ITGBL1: variants seen among roughly 807,000 people sequenced by gnomAD.
The protein encoded by ITGBL1 is integrin subunit beta like 1.
In ITGBL1, 51 loss-of-function variants were observed where a neutral mutation model predicts 68.5. The observed-to-expected ratio is 0.74, with a 90% CI of 0.59 to 0.94. ITGBL1 has a LOEUF of 0.94. ITGBL1 is among the 40% of genes least tolerant of loss of function. ITGBL1 has a pLI of 0.00. For synonymous variants in ITGBL1, 209 were observed against 227.3 expected, an observed-to-expected ratio of 0.92 and a Z score of 0.72; for missense variants, 649 against 647.4, an observed-to-expected ratio of 1.00 and a Z score of -0.03.
intron 7 of ITGBL1, among the ~76,000 whole-genome samples, chr13:101,623,250 C>T (rs1468780969): frequency 6.6e-6 from 1 of 151,910 alleles, no homozygotes; most frequent in African/African-American, 2.4e-5. Flanking sequence ...GATCCCATGA[C>T]AGAGTAAGCT....
chr13:101,531,011 C>G (rs989937177), intron 2 of ITGBL1, among the ~76,000 whole-genome samples: 1 of 151,630 alleles, frequency 6.6e-6, no homozygotes, highest in Admixed American at 6.6e-5. Flanking sequence ...CTTTGAACTA[C>G]TAGAGGAGCT....
chr13:101,716,633 G>C (rs1194879758), downstream of ITGBL1: 2 of 151,878 alleles, frequency 1.3e-5, no homozygotes, highest in African/African-American at 4.8e-5. Context: ...ACAATATTGA[G>C]TTACATATAA....
At chr13:101,660,348 A>G (rs533013432) in intron 7 of ITGBL1, among the ~76,000 whole-genome samples, 1 of 152,180 alleles carries the variant, frequency 6.6e-6, no homozygotes, top group East Asian at 1.9e-4. Context: ...GCTCTAAGCC[A>G]GTTCCTGGGT....
At chr13:101,705,339 A>G (rs975947860) in intron 8 of ITGBL1, among the ~76,000 whole-genome samples, 3 of 150,910 alleles carry the variant, frequency 2.0e-5, no homozygotes, top group African/African-American at 7.3e-5. Context: ...TAGTTTTCCA[A>G]GAAACCCTCT....
At chr13:101,483,021 A>G (rs1358468423) in intron 2 of ITGBL1, among the ~76,000 whole-genome samples, 1 of 152,212 alleles carries the variant, frequency 6.6e-6, no homozygotes, top group Non-Finnish European at 1.5e-5. Flanking sequence ...ACACTGGTAT[A>G]GAGCTGGATC....
At chr13:101,455,531 G>C (rs920354149) in intron 2 of ITGBL1, among the ~76,000 whole-genome samples, 13 of 152,260 alleles carry the variant, frequency 8.5e-5, no homozygotes, top group African/African-American at 2.6e-4. Flanking sequence ...GCTGGGCGTC[G>C]TGGCATGTGC....
chr13:101,479,750 C>T (rs2048589824), intron 2 of ITGBL1, among the ~76,000 whole-genome samples: 1 of 151,996 alleles, frequency 6.6e-6, no homozygotes, highest in Admixed American at 6.6e-5. Flanking sequence ...ATCAAAGCTA[C>T]AATGAGATAT....
intron 7 of ITGBL1, among the ~76,000 whole-genome samples, chr13:101,638,445 A>C (rs998048873): frequency 4.1e-4 from 63 of 152,266 alleles, no homozygotes; most frequent in Non-Finnish European, 7.6e-4. Context: ...AAAAAAAAAA[A>C]AACTATTTGT....
chr13:101,476,298 T>C (rs1736307520), intron 2 of ITGBL1, among the ~76,000 whole-genome samples: 1 of 152,110 alleles, frequency 6.6e-6, no homozygotes, highest in Non-Finnish European at 1.5e-5. Context: ...TAAGATATTA[T>C]TTGCAAGCTT....
At chr13:101,488,614 T>G (rs562757660) in intron 2 of ITGBL1, among the ~76,000 whole-genome samples, 1 of 152,278 alleles carries the variant, frequency 6.6e-6, no homozygotes, top group Non-Finnish European at 1.5e-5. Flanking sequence ...AAAGTGCAGT[T>G]TACTGAGCAT....
At chr13:101,599,554 G>GT (rs1240182987) in intron 7 of ITGBL1, among the ~76,000 whole-genome samples, 1 of 152,154 alleles carries the variant, frequency 6.6e-6, no homozygotes, top group Non-Finnish European at 1.5e-5. Flanking sequence ...TTCTTCTAGG[G>GT]TTTTTATGGT....
intron 7 of ITGBL1, among the ~76,000 whole-genome samples, chr13:101,665,602 C>A (rs889697157): frequency 3.3e-5 from 5 of 151,888 alleles, no homozygotes; most frequent in Middle Eastern, 3.4e-3. Flanking sequence ...GTTTGTATTT[C>A]TTTTTCTTGC....
At chr13:101,644,749 G>C (rs1391043194) in intron 7 of ITGBL1, among the ~76,000 whole-genome samples, 1 of 152,036 alleles carries the variant, frequency 6.6e-6, no homozygotes, top group African/African-American at 2.4e-5. Flanking sequence ...CTCTTTTTTA[G>C]ATGAGTAATA....
intron 7 of ITGBL1, among the ~76,000 whole-genome samples, chr13:101,622,911 ATGTATGTGTG>A (rs1367402359): frequency 3.5e-5 from 4 of 114,988 alleles, no homozygotes; most frequent in Non-Finnish European, 5.3e-5. Context: ...TGTGTGGGGT[ATGTATGTGTG>A]TGTGTGTGTG....
intron 2 of ITGBL1, among the ~76,000 whole-genome samples, chr13:101,471,705 A>T (rs892425370): frequency 3.3e-5 from 5 of 152,146 alleles, no homozygotes; most frequent in African/African-American, 7.2e-5. Flanking sequence ...GGTATTGTGG[A>T]TCACAGGAGC....
At chr13:101,495,763 G>T (rs1483075043) in intron 2 of ITGBL1, among the ~76,000 whole-genome samples, 1 of 152,122 alleles carries the variant, frequency 6.6e-6, no homozygotes, top group South Asian at 2.1e-4. Flanking sequence ...AGGTGTATGA[G>T]ATTTCATGGT....
At position 101,628,460 on chromosome 13, in the gene ITGBL1, TC is replaced by T. The variant is rs201147417; in HGVS notation, c.1015+30162del. ...TTCTTTTTTTTTTTTTAAGACAAAG[TC>T]TCGCTCTGTCACCCAGGCTGGAGTG... On this transcript the variant is annotated intron_variant, in intron 7 of 10. Coordinates refer to ENST00000376180, the MANE Select transcript of ITGBL1 (RefSeq NM_004791.3). Among the ~76,000 whole-genome samples the T allele has an allele frequency of 1.9e-3, 284 of 151,552 alleles. 8 individuals are homozygous for T. In the East Asian group the frequency reaches 0.047, roughly 25 times the overall value.
At chr13:101,605,675 T>TGC (rs2030768942) in intron 7 of ITGBL1, among the ~76,000 whole-genome samples, 1 of 151,554 alleles carries the variant, frequency 6.6e-6, no homozygotes, top group Non-Finnish European at 1.5e-5. Context: ...GACATGTATG[T>TGC]GTTTATGCGT....
chr13:101,628,681 C>A (rs1313596569), intron 7 of ITGBL1, among the ~76,000 whole-genome samples: 1 of 150,354 alleles, frequency 6.7e-6, no homozygotes, highest in Non-Finnish European at 1.5e-5. Context: ...ACCTCGTGAT[C>A]CACCCACCTT....
Sources: allele counts gnomAD v4.1 joint callset (sites outside exome capture counted in the v4.1 genomes callset), GRCh38; gene constraint gnomAD v4.1.1; transcripts MANE v1.5; gene names NCBI Gene and HGNC (gene_info 2026-07-23, HGNC 2026-07-21).